Variants in CCSER1 observed in about 807,000 individuals in gnomAD.
CCSER1 encodes the protein coiled-coil serine rich protein 1, also known as serine-rich coiled-coil domain-containing protein 1.
CCSER1 carries 41 observed loss-of-function variants against 82.0 expected under a neutral mutation model. The observed-to-expected ratio is 0.50, with a 90% CI of 0.39 to 0.65. The LOEUF (loss-of-function observed/expected upper bound fraction) is 0.65. CCSER1 is among the 30% of genes least tolerant of loss of function. The pLI, the probability that CCSER1 is intolerant of heterozygous loss-of-function variation, is 0.00. For missense variants in CCSER1, 1,119 were observed against 1,064.2 expected (o/e 1.05, Z -0.72); for synonymous variants, 414 against 383.9 (o/e 1.08, Z -0.92).
chr4:90,355,408 C>T (rs1046290272), intron 3 of CCSER1, among the ~76,000 whole-genome samples: 15 of 151,946 alleles, frequency 9.9e-5, no homozygotes, highest in African/African-American at 3.4e-4. Context: ...TGTTAGGTCT[C>T]CTGCTTTATG....
intron 1 of CCSER1, among the ~76,000 whole-genome samples, chr4:90,269,514 TA>T (rs1232717770): frequency 6.6e-6 from 1 of 151,984 alleles, no homozygotes; most frequent in East Asian, 1.9e-4. Context: ...TACCAAAATC[TA>T]TAGGCTACAG....
intron 7 of CCSER1, among the ~76,000 whole-genome samples, chr4:90,748,518 G>C (rs1747947371): frequency 6.8e-6 from 1 of 147,994 alleles, no homozygotes; most frequent in Admixed American, 6.8e-5. Flanking sequence ...TGTCTTTATA[G>C]CAGCACGATT....
intron 6 of CCSER1, among the ~76,000 whole-genome samples, chr4:90,671,108 A>T (rs1732712978): frequency 6.6e-6 from 1 of 152,108 alleles, no homozygotes; most frequent in Non-Finnish European, 1.5e-5. Flanking sequence ...CTGAGCCTAA[A>T]CAGAGTCATA....
intron 9 of CCSER1, among the ~76,000 whole-genome samples, chr4:91,000,296 T>C (rs925509021): frequency 3.3e-5 from 5 of 151,990 alleles, no homozygotes; most frequent in African/African-American, 1.2e-4. Context: ...TTAGGTTACA[T>C]ACTACATTAT....
At chr4:90,406,827 C>A (rs1273558452) in intron 4 of CCSER1, among the ~76,000 whole-genome samples, 2 of 151,940 alleles carry the variant, frequency 1.3e-5, no homozygotes, top group Non-Finnish European at 2.9e-5. Context: ...GTGATAAAAC[C>A]TATCAAAACC....
intron 8 of CCSER1, among the ~76,000 whole-genome samples, chr4:90,899,395 A>G (rs944964312): frequency 1.3e-5 from 2 of 152,018 alleles, no homozygotes; most frequent in Non-Finnish European, 2.9e-5. Context: ...ATTTAATCAC[A>G]AAGAGAGATA....
chr4:90,472,011 C>A (rs546711903), intron 5 of CCSER1, among the ~76,000 whole-genome samples: 19 of 152,050 alleles, frequency 1.2e-4, no homozygotes, highest in African/African-American at 4.6e-4. Context: ...AATAATCACC[C>A]GCCAATATAA....
At chr4:90,863,940 C>A (rs1765405192) in intron 8 of CCSER1, among the ~76,000 whole-genome samples, 1 of 143,756 alleles carries the variant, frequency 7.0e-6, no homozygotes. Context: ...TTCAATTCTA[C>A]CTATCACGTT....
At chr4:90,604,407 T>G (rs1784376106) in intron 5 of CCSER1, among the ~76,000 whole-genome samples, 1 of 152,182 alleles carries the variant, frequency 6.6e-6, no homozygotes, top group South Asian at 2.1e-4. Flanking sequence ...CACCATTTAT[T>G]ATCTGTGTTA....
chr4:91,363,357 T>TGTG lies in CCSER1; in HGVS notation c.2218-235215_2218-235214insGTG, dbSNP rs370818925. On this transcript the variant is annotated intron_variant, in intron 10 of 10. Transcript: ENST00000509176. ...GATTGAAGCATAGGATGGAGATATTTTGTGTGTGTGTGTGTGTGTGTGTGT... is the reference window on the plus strand; with the variant it reads ...GATTGAAGCATAGGATGGAGATATTTGTGTGTGTGTGTGTGTGTGTGTGTGTGT... 2.6e-3 allele frequency among the ~76,000 whole-genome samples: 356 copies of TGTG among 139,604 alleles called. 4 individuals are homozygous for TGTG. Among genetic ancestry groups the TGTG allele is most frequent in the African/African-American group, 5.6e-3 (184 of 32,840 alleles). The allele number at this position is 139,604 out of a possible 152,430, so 91.6% of individuals were successfully genotyped here. A position where few individuals can be genotyped will look rare whatever the true frequency, so the allele number is the denominator to read the frequency against.
intron 10 of CCSER1, among the ~76,000 whole-genome samples, chr4:91,321,962 A>T (rs1274701624): frequency 6.6e-6 from 1 of 152,130 alleles, no homozygotes; most frequent in African/African-American, 2.4e-5. Flanking sequence ...GAATTCACTA[A>T]GGATAGGAAA....
chr4:91,367,211 G>A (rs1410838737), intron 10 of CCSER1, among the ~76,000 whole-genome samples: 2 of 150,114 alleles, frequency 1.3e-5, no homozygotes, highest in East Asian at 3.9e-4. Context: ...AAGCTACTTG[G>A]GGGGCTGAGG....
At chr4:90,192,238 C>T (rs978755916) in intron 1 of CCSER1, among the ~76,000 whole-genome samples, 3 of 151,934 alleles carry the variant, frequency 2.0e-5, no homozygotes, top group African/African-American at 7.3e-5. Context: ...TTACAGTAGC[C>T]ATCAGATCTT....
chr4:91,443,742 T>A (rs1023984106), intron 10 of CCSER1, among the ~76,000 whole-genome samples: 8 of 148,318 alleles, frequency 5.4e-5, no homozygotes, highest in East Asian at 1.9e-4. Context: ...TATATATATA[T>A]AAATATGTAT....
At chr4:91,424,116 A>G (rs559143892) in intron 10 of CCSER1, among the ~76,000 whole-genome samples, 1 of 138,718 alleles carries the variant, frequency 7.2e-6, no homozygotes, top group East Asian at 2.3e-4. Context: ...TCCCGGGTTC[A>G]CGCCATTCTC....
intron 10 of CCSER1, among the ~76,000 whole-genome samples, chr4:91,490,660 A>G (rs532911428): frequency 2.2e-4 from 34 of 151,206 alleles, no homozygotes; most frequent in African/African-American, 7.8e-4. Context: ...TAGAACGAAT[A>G]CGATCAAGTA....
At chr4:90,365,624 A>T (rs371601824) in intron 3 of CCSER1, among the ~76,000 whole-genome samples, 1 of 151,846 alleles carries the variant, frequency 6.6e-6, no homozygotes, top group Non-Finnish European at 1.5e-5. Context: ...GCAAAGGGTT[A>T]TTGGACAAGA....
At chr4:91,261,735 C>T (rs937607723) in intron 10 of CCSER1, among the ~76,000 whole-genome samples, 6 of 152,090 alleles carry the variant, frequency 3.9e-5, no homozygotes, top group African/African-American at 1.4e-4. Flanking sequence ...ATGAAAACAA[C>T]AACAGTGAAC....
intron 3 of CCSER1, among the ~76,000 whole-genome samples, chr4:90,315,256 T>A (rs900764077): frequency 6.6e-6 from 1 of 152,150 alleles, no homozygotes; most frequent in Non-Finnish European, 1.5e-5. Flanking sequence ...TTATAGTCTG[T>A]CCACTAGATG....
Sources: allele counts gnomAD v4.1 joint callset (sites outside exome capture counted in the v4.1 genomes callset), GRCh38; gene constraint gnomAD v4.1.1; transcripts MANE v1.5; gene names NCBI Gene and HGNC (gene_info 2026-07-23, HGNC 2026-07-21).